The following ODAD2 variants were observed in gnomAD, a reference collection of about 807,000 sequenced individuals.
ODAD2 encodes outer dynein arm docking complex subunit 2.
Under a neutral mutation model 106.8 loss-of-function variants are expected in ODAD2, and 89 were observed. That is an observed-to-expected ratio of 0.83 (90% CI 0.70 to 0.99). The LOEUF is 0.99. Ranked by LOEUF, ODAD2 falls within the 50% of genes least tolerant of loss-of-function variation. The pLI, the probability that ODAD2 is intolerant of heterozygous loss-of-function variation, is 0.00. For missense variants in ODAD2, 1,168 were observed against 1,238.5 expected, an observed-to-expected ratio of 0.94 and a Z score of 0.85; for synonymous variants, 404 against 436.2, an observed-to-expected ratio of 0.93 and a Z score of 0.92.
intron 19 of ODAD2, among the ~76,000 whole-genome samples, chr10:27,855,400 C>A (rs780882563): frequency 6.6e-6 from 1 of 152,056 alleles, no homozygotes; most frequent in Non-Finnish European, 1.5e-5. Flanking sequence ...ATATATTCAT[C>A]GATACCAATT....
chr10:27,917,160 G>T (rs754422430), intron 16 of ODAD2, among the ~76,000 whole-genome samples: 5 of 152,078 alleles, frequency 3.3e-5, no homozygotes, highest in Non-Finnish European at 5.9e-5. Flanking sequence ...TAATATGAAA[G>T]AACTGAAATC....
rs565841491 is a variant in ODAD2 at position 27,914,192 on chromosome 10, A to G, written c.2496-6415T>C. ...AACAATAAATATTAAGTGAGAGCCA[A>G]TTATATCCCATGCATTGAAACACAT... On this transcript the variant is annotated intron_variant, in intron 16 of 19. Coordinates refer to ENST00000305242, the MANE Select transcript of ODAD2 (RefSeq NM_018076.5). 2.3e-4 allele frequency among the ~76,000 whole-genome samples: 35 copies of G among 152,252 alleles called. 1 individual carries two copies. The South Asian group carries it at 6.2e-3, about 27-fold the overall frequency.
intron 10 of ODAD2, among the ~76,000 whole-genome samples, chr10:27,950,995 G>T (rs980693741): frequency 6.6e-6 from 1 of 151,968 alleles, no homozygotes; most frequent in Non-Finnish European, 1.5e-5. Flanking sequence ...TGTTTAACTT[G>T]AAAAAAGTTC....
rs746405520 is a variant in ODAD2 at position 27,936,786 on chromosome 10, C to G, written c.2192G>C (p.Arg731Pro). 2 of 1,613,988 alleles carry G rather than the reference C, an allele frequency of 1.2e-6. No homozygotes were observed. The highest frequency in any genetic ancestry group is 1.7e-6 in the Non-Finnish European group (2 of 1,179,940). Residue 731 changes from arginine (R) to proline (P), a missense_variant, in exon 15 of 20, where the codon CGG becomes CCG. Around this residue, in one of 3 missense-constraint regions of ODAD2, gnomAD observed 701 missense variants for 712.3 expected, o/e 0.98. Transcript: ENST00000305242. ...TATAGCCCCTGTGACAGCAGCTAAC[C>G]GCTCTTTATTGTCAGTGTTATTGAG... ...SLLNNTDNKE[R>P]LAAVTGAIWK...
chr10:27,835,690 G>A (rs777447373), intron 19 of ODAD2, among the ~76,000 whole-genome samples: 1 of 152,100 alleles, frequency 6.6e-6, no homozygotes, highest in Non-Finnish European at 1.5e-5. Context: ...AAGTTTAACA[G>A]AGAATAAAAT....
intron 19 of ODAD2, among the ~76,000 whole-genome samples, chr10:27,851,632 A>G (rs1839273647): frequency 6.6e-6 from 1 of 152,152 alleles, no homozygotes; most frequent in Non-Finnish European, 1.5e-5. Context: ...CTAATTTAAA[A>G]CACAGAAAGA....
At chr10:27,985,394 C>A (rs555491853) in intron 3 of ODAD2, among the ~76,000 whole-genome samples, 183 bp from the exon 4 acceptor site, 1 of 152,198 alleles carries the variant, frequency 6.6e-6, no homozygotes, top group Non-Finnish European at 1.5e-5. Flanking sequence ...TAGGAACTTT[C>A]TTCTACTTCA....
At chr10:27,824,787 G>C (rs1389078555) in intron 19 of ODAD2, among the ~76,000 whole-genome samples, 1 of 152,186 alleles carries the variant, frequency 6.6e-6, no homozygotes, top group East Asian at 1.9e-4. Flanking sequence ...TCTGTTGGCT[G>C]TCTGTATTCT....
intron 12 of ODAD2, among the ~76,000 whole-genome samples, chr10:27,943,268 G>A (rs1430170739): frequency 6.6e-6 from 1 of 152,090 alleles, no homozygotes; most frequent in Non-Finnish European, 1.5e-5. Context: ...GATTACAAAA[G>A]CAAGACTTAG....
At chr10:27,866,511 T>C (rs1175572610) in intron 17 of ODAD2, among the ~76,000 whole-genome samples, 1 of 152,160 alleles carries the variant, frequency 6.6e-6, no homozygotes, top group Non-Finnish European at 1.5e-5. Flanking sequence ...CCAATTGTGT[T>C]ACTATGAAGG....
chr10:27,895,154 G>T (rs1428108176), intron 17 of ODAD2, among the ~76,000 whole-genome samples: 1 of 151,516 alleles, frequency 6.6e-6, no homozygotes, highest in African/African-American at 2.4e-5. Flanking sequence ...TAATGAACAT[G>T]TAAGCACACA....
At chr10:27,927,830 T>C (rs1470350079) in intron 16 of ODAD2, among the ~76,000 whole-genome samples, 1 of 152,136 alleles carries the variant, frequency 6.6e-6, no homozygotes, top group Non-Finnish European at 1.5e-5. Flanking sequence ...CCTTAAATGA[T>C]TGAGTTCAAT....
chr10:27,944,589 G>T (rs1384888205), intron 11 of ODAD2, among the ~76,000 whole-genome samples, 158 bp from the exon 12 acceptor site: 1 of 152,034 alleles, frequency 6.6e-6, no homozygotes, highest in Non-Finnish European at 1.5e-5. Flanking sequence ...TTTCATTTAA[G>T]TAAACAATCC....
chr10:27,999,305 A>C (rs764487158), upstream of ODAD2, among the ~76,000 whole-genome samples: 1 of 152,226 alleles, frequency 6.6e-6, no homozygotes, highest in Non-Finnish European at 1.5e-5. Flanking sequence ...GAAAGGAAGC[A>C]GAAAATATTC....
chr10:27,971,030 A>G, intron 8 of ODAD2, 78 bp downstream of exon 8: 1 of 644,382 alleles, frequency 1.6e-6, no homozygotes. Context: ...AAAATAAAAT[A>G]AAATAAAGTT....
chr10:27,983,868 C>T lies in ODAD2; in HGVS notation c.794G>A (p.Ser265Asn). Residue 265 changes from serine to asparagine, a missense_variant, in exon 6 of 20, where the codon AGT (serine) becomes AAT (asparagine). Coordinates refer to ENST00000305242, the MANE Select transcript of ODAD2 (RefSeq NM_018076.5). Reference sequence around the variant, plus strand: ...ACCATTTAAAAATACTCCTCCTGCACTGCAAGTAATGCACAGAGTCTCACC... The same window carrying T: ...ACCATTTAAAAATACTCCTCCTGCATTGCAAGTAATGCACAGAGTCTCACC... Reference protein sequence around the residue: ...HDGETLCITCSAGGVFLNGGK... With the variant: ...HDGETLCITCNAGGVFLNGGK... 2 of 1,613,318 alleles carry T rather than the reference C, an allele frequency of 1.2e-6. No individual in the cohort carries two copies. The highest frequency in any genetic ancestry group is 2.2e-5 in the South Asian group (2 of 90,826).
intron 16 of ODAD2, among the ~76,000 whole-genome samples, chr10:27,909,182 GTGAATAATGGCCTGCC>G (rs1189420418): frequency 6.6e-6 from 1 of 152,000 alleles, no homozygotes; most frequent in Non-Finnish European, 1.5e-5. Flanking sequence ...ATGAACAACA[GTGAATAATGGCCTGCC>G]CTATCTTCTT....
chr10:27,893,431 GA>G, intron 17 of ODAD2, among the ~76,000 whole-genome samples: 1 of 152,268 alleles, frequency 6.6e-6, no homozygotes. Context: ...TAGGGGCCCT[GA>G]AGTAGCAACA....
intron 7 of ODAD2, among the ~76,000 whole-genome samples, chr10:27,974,667 C>T (rs1263624798): frequency 1.3e-5 from 2 of 150,346 alleles, no homozygotes; most frequent in African/African-American, 4.9e-5. Flanking sequence ...TAGTGTGATA[C>T]CTCCAGCTTC....
Sources: gnomAD v4.1 joint callset for allele counts (sites outside exome capture counted in the v4.1 genomes callset) on GRCh38, gnomAD v4.1.1 for gene constraint, gnomAD v4.1.1 regional missense constraint, MANE v1.5 for transcripts, NCBI Gene and HGNC (gene_info 2026-07-23, HGNC 2026-07-21) for gene names.